KAZN: variants seen among roughly 807,000 people sequenced by gnomAD.
The protein encoded by KAZN is kazrin, periplakin interacting protein, also known as kazrin.
KAZN carries 40 observed loss-of-function variants against 87.4 expected under a neutral mutation model. The ratio of observed to expected loss-of-function variants is 0.46; its 90% confidence interval spans 0.36 to 0.60. KAZN has a LOEUF of 0.60. Among genes scored for constraint, KAZN ranks in the 20% least tolerant of loss-of-function variants. The probability of loss-of-function intolerance (pLI) is 0.00; values close to 1 mark genes in which losing one functional copy is unlikely to be tolerated. For missense variants in KAZN, 898 were observed against 1,073.9 expected (o/e 0.84, Z 2.29); for synonymous variants, 466 against 458.3 (o/e 1.02, Z -0.22).
At chr1:14,196,148 T>C (rs1646522022) in intron 2 of KAZN, among the ~76,000 whole-genome samples, 1 of 151,748 alleles carries the variant, frequency 6.6e-6, no homozygotes, top group Non-Finnish European at 1.5e-5. Flanking sequence ...GAGACAACGG[T>C]GGTTGGAGGA....
chr1:14,836,323 A>G (rs967275058), intron 1 of KAZN, among the ~76,000 whole-genome samples: 1 of 152,152 alleles, frequency 6.6e-6, no homozygotes, highest in Non-Finnish European at 1.5e-5. Context: ...CCTGAACTCA[A>G]AGCCGCACCT....
intron 1 of KAZN, among the ~76,000 whole-genome samples, chr1:14,751,722 C>T (rs1011576326): frequency 6.6e-6 from 1 of 152,144 alleles, no homozygotes; most frequent in Non-Finnish European, 1.5e-5. Flanking sequence ...TATGGAATGG[C>T]AAATGCTTGT....
intron 1 of KAZN, among the ~76,000 whole-genome samples, chr1:14,153,071 C>A (rs1645512185): frequency 6.6e-6 from 1 of 152,124 alleles, no homozygotes; most frequent in Non-Finnish European, 1.5e-5. Context: ...GTTGTTTGAA[C>A]TTCTTATAAA....
chr1:14,119,635 A>G (rs1167408688), intron 1 of KAZN, among the ~76,000 whole-genome samples: 1 of 152,172 alleles, frequency 6.6e-6, no homozygotes, highest in African/African-American at 2.4e-5. Context: ...GATTAGATGG[A>G]TTAACTCTTT....
At chr1:14,154,190 G>A (rs1201218881) in intron 1 of KAZN, among the ~76,000 whole-genome samples, 1 of 152,030 alleles carries the variant, frequency 6.6e-6, no homozygotes, top group Non-Finnish European at 1.5e-5. Context: ...TCAGTGTTCT[G>A]TAGTTTTCTT....
chr1:14,138,615 A>C (rs1645161529), intron 1 of KAZN, among the ~76,000 whole-genome samples: 1 of 152,166 alleles, frequency 6.6e-6, no homozygotes, highest in Admixed American at 6.5e-5. Flanking sequence ...GAATTCTGCT[A>C]GGAATGCAGA....
At chr1:14,360,642 TC>T (rs1297374196) in intron 2 of KAZN, among the ~76,000 whole-genome samples, 1 of 151,888 alleles carries the variant, frequency 6.6e-6, no homozygotes, top group Admixed American at 6.6e-5. Context: ...ATGTCCTTTT[TC>T]TTTGGTGTTA....
Position 14,870,108 on chromosome 1 carries a change from C to T in KAZN, c.227-90576C>T, listed in dbSNP as rs192542789. 5.3e-5 allele frequency among the ~76,000 whole-genome samples: 8 copies of T among 152,296 alleles called. No individual in the cohort carries two copies. In the East Asian group the frequency reaches 1.4e-3, roughly 26 times the overall value. ...CCAGTATCTGTCCAGGAGCACTGGG[C>T]CTGGCCTTGACCTTGGCTTTGACCT... On this transcript the variant is annotated intron_variant, in intron 1 of 14. Transcript: ENST00000376030.
chr1:14,796,767 A>C (rs978171200), intron 1 of KAZN, among the ~76,000 whole-genome samples: 1 of 152,232 alleles, frequency 6.6e-6, no homozygotes, highest in African/African-American at 2.4e-5. Context: ...GGAGTGGGAA[A>C]GGAAGGGGTG....
chr1:14,781,158 T>A (rs1645326779), intron 1 of KAZN, among the ~76,000 whole-genome samples: 2 of 152,024 alleles, frequency 1.3e-5, no homozygotes, highest in Non-Finnish European at 2.9e-5. Flanking sequence ...CCGTCTCTAC[T>A]AAAAATACAA....
intron 1 of KAZN, among the ~76,000 whole-genome samples, chr1:14,153,262 AT>A (rs1645516474): frequency 6.6e-6 from 1 of 152,068 alleles, no homozygotes; most frequent in Non-Finnish European, 1.5e-5. Flanking sequence ...CATTCAAGAA[AT>A]TTTTGCCCAG....
chr1:15,063,292 C>A, intron 6 of KAZN: 1 of 492,882 alleles, frequency 2.0e-6, no homozygotes. Flanking sequence ...CTTAGACGCC[C>A]TGGAGTGGCT....
chr1:14,276,901 T>A (rs1186998697), intron 2 of KAZN, among the ~76,000 whole-genome samples: 2 of 152,236 alleles, frequency 1.3e-5, no homozygotes, highest in Admixed American at 1.3e-4. Flanking sequence ...AAATACATTG[T>A]TGAATGTAGT....
At chr1:14,516,711 G>A (rs1027879344) in intron 2 of KAZN, among the ~76,000 whole-genome samples, 15 of 152,176 alleles carry the variant, frequency 9.9e-5, no homozygotes, top group African/African-American at 3.1e-4. Context: ...CAGGCACCAT[G>A]CCATCTCCCT....
At chr1:14,924,698 G>A (rs1658964936) in intron 1 of KAZN, 1 of 444,204 alleles carries the variant, frequency 2.3e-6, no homozygotes, top group Non-Finnish European at 3.0e-6. Flanking sequence ...TTCTCGCAGC[G>A]CGCGGAGCCC....
intron 2 of KAZN, among the ~76,000 whole-genome samples, chr1:14,574,351 G>A (rs536618834): frequency 8.5e-5 from 13 of 152,166 alleles, no homozygotes; most frequent in East Asian, 5.8e-4. Context: ...ATGTCCCCAC[G>A]CAAATCTCAT....
At chr1:14,625,141 C>T (rs942849213) in intron 1 of KAZN, among the ~76,000 whole-genome samples, 2 of 152,104 alleles carry the variant, frequency 1.3e-5, no homozygotes, top group Admixed American at 1.3e-4. Flanking sequence ...ACATTAGCAG[C>T]GGTACCCAGG....
intron 2 of KAZN, among the ~76,000 whole-genome samples, chr1:14,203,544 T>C (rs930989933): frequency 2.0e-5 from 3 of 152,212 alleles, no homozygotes; most frequent in African/African-American, 7.2e-5. Context: ...GGTATTTCAA[T>C]TAGAGGAAAG....
At chr1:14,579,093 T>C (rs1192421275) in intron 2 of KAZN, among the ~76,000 whole-genome samples, 2 of 152,132 alleles carry the variant, frequency 1.3e-5, no homozygotes, top group Non-Finnish European at 2.9e-5. Context: ...AACGTAGCAC[T>C]CCAGCTTTAC....
Sources: gnomAD v4.1 joint callset for allele counts (sites outside exome capture counted in the v4.1 genomes callset) on GRCh38, gnomAD v4.1.1 for gene constraint, MANE v1.5 for transcripts, NCBI Gene and HGNC (gene_info 2026-07-23, HGNC 2026-07-21) for gene names.